Variants in CARMIL3 observed in about 807,000 individuals in gnomAD.
CARMIL3 encodes capping protein regulator and myosin 1 linker 3.
CARMIL3 carries 88 observed loss-of-function variants against 180.8 expected under a neutral mutation model. That is an observed-to-expected ratio of 0.49 (90% CI 0.41 to 0.58). The LOEUF (loss-of-function observed/expected upper bound fraction) is 0.58. CARMIL3 is among the 20% of genes least tolerant of loss of function. The pLI is 0.00. For missense variants in CARMIL3, 1,548 were observed against 1,787.0 expected (o/e 0.87, Z 2.41); for synonymous variants, 696 against 714.5 (o/e 0.97, Z 0.41).
chr14:24,063,808 T>C (rs923125194), intron 31 of CARMIL3, among the ~76,000 whole-genome samples: 2 of 152,052 alleles, frequency 1.3e-5, no homozygotes, highest in Non-Finnish European at 2.9e-5. Context: ...TAGGAAACAC[T>C]AGGTGAGCTG....
chr14:24,068,466 C>T (rs1355433225), intron 36 of CARMIL3, 118 bp from the exon 37 acceptor site: 11 of 747,018 alleles, frequency 1.5e-5, no homozygotes, highest in Non-Finnish European at 6.4e-6. Context: ...GACATAGGAG[C>T]AAGTGGGCTT....
Position 24,068,891 on chromosome 14 carries a change from G to C in CARMIL3, c.3907G>C (p.Asp1303His), listed in dbSNP as rs781619347. The change falls in exon 38 of 40, where the codon GAT becomes CAT. Residue 1303 changes from aspartate to histidine, a missense_variant. By Grantham distance (81) the Asp-to-His change is moderately conservative. Coordinates refer to ENST00000342740, the MANE Select transcript of CARMIL3 (RefSeq NM_138360.4). ...GGTCAGGGAGGAGGCTGAGGCTGGA[G>C]ATGCAGCTCCAGGAGTCAACAAACC... ...PGVREEAEAGDAAPGVNKPRL... is the reference protein window; with the variant it reads ...PGVREEAEAGHAAPGVNKPRL... 1 of 1,607,274 alleles carries C rather than the reference G, an allele frequency of 6.2e-7. No homozygotes were observed. The highest frequency in any genetic ancestry group is 1.1e-5 in the South Asian group (1 of 89,964).
In CARMIL3 at chr14:24,059,593, G is replaced by C; in HGVS notation, c.1800-71G>C. On this transcript the variant is annotated intron_variant, in intron 21 of 39. Coordinates refer to ENST00000342740, the MANE Select transcript of CARMIL3 (RefSeq NM_138360.4). The surrounding 1 kb of genome is among the most constrained non-coding windows in gnomAD (Gnocchi z 6.3). ...CTGAGTCAGCCTTATTGCCCCAAGA[G>C]GTTTGTGTCCCTGGCCCCTAGTAGG... 1 of 1,578,280 alleles carries C rather than the reference G, an allele frequency of 6.3e-7. No homozygotes were observed.
At position 24,062,516 on chromosome 14, in the gene CARMIL3, C is replaced by T. The variant is rs574633788; in HGVS notation, c.2517C>T (p.Ser839=). 2 of 1,614,214 alleles carry T rather than the reference C, an allele frequency of 1.2e-6. No individual in the cohort carries two copies. Among genetic ancestry groups the T allele is most frequent in the South Asian group, 2.2e-5 (2 of 91,088 alleles). The change falls in exon 28 of 40, where the codon AGC becomes AGT. Residue 839 remains serine (S), a synonymous_variant. Coordinates refer to ENST00000342740, the MANE Select transcript of CARMIL3 (RefSeq NM_138360.4). ...VKLSVVTYLT[S]SIVDEILQEL... ...TCTCAGTCGTCACCTACCTAACCAG[C>T]TCCATAGTGGATGAGATCCTGCAAG...
intron 31 of CARMIL3, 79 bp from the exon 32 acceptor site, chr14:24,064,167 A>G: frequency 5.4e-6 from 5 of 922,818 alleles, no homozygotes; most frequent in Non-Finnish European, 8.6e-6. Flanking sequence ...TCCAAGCCCA[A>G]AGGGGAATGC....
rs2035649907 is a variant in CARMIL3 at position 24,054,300 on chromosome 14, A to G, written c.245A>G (p.Gln82Arg). The change falls in exon 4 of 40, where the codon CAG becomes CGG. Residue 82 changes from glutamine (Q) to arginine (R), a missense_variant and splice_region_variant. By Grantham distance (43) the Gln-to-Arg change is conservative (BLOSUM62 1). This residue lies in a region of CARMIL3 where 578 missense variants were observed against 666.5 expected (regional missense o/e 0.87). Transcript: ENST00000342740. This position sits in a 1 kb window ranked among gnomAD's most constrained non-coding sequence, Gnocchi z 5.1. ...GCCTTCAACACGCTCAGTCAGAATC[A>G]GGTGAGTACCAGGGCTTTGGGCCCC... Reference protein sequence around the residue: ...IRAFNTLSQNQILVETERGMV... With the variant: ...IRAFNTLSQNRILVETERGMV... The G allele has an allele frequency of 3.1e-6, 5 of 1,614,070 alleles. No homozygotes were observed. The highest frequency in any genetic ancestry group is 4.2e-6 in the Non-Finnish European group (5 of 1,180,034).
rs199613785 is a variant in CARMIL3, at chr14:24,065,108, C to A, written c.3231C>A (p.Leu1077=). The A allele has an allele frequency of 5.3e-5, 82 of 1,534,540 alleles. No individual in the cohort carries two copies. The East Asian group carries it at 9.9e-4, about 18-fold the overall frequency. ...GGCCGGGGTCCCCTACCACTGGACT[C>A]CTCCTCCCTCCACCCCCACCCCCTC... ...DRGPGSPTTG[L]LLPPPPPPPP... is the part of the protein sequence containing the mutation. Residue 1077 remains leucine (L), a synonymous_variant, in exon 33 of 40, where the codon CTC becomes CTA. Coordinates refer to ENST00000342740, the MANE Select transcript of CARMIL3 (RefSeq NM_138360.4).
Position 24,061,559 on chromosome 14 carries a change from C to T in CARMIL3, c.2367C>T (p.Ala789=), listed in dbSNP as rs79873279. 4.5e-5 allele frequency: 73 copies of T among 1,613,930 alleles called. 1 individual carries two copies. The East Asian group carries it at 1.4e-3, about 31-fold the overall frequency. The change falls in exon 27 of 40, where the codon GCC becomes GCT. Residue 789 remains alanine, a synonymous_variant. Transcript: ENST00000342740. This position sits in a 1 kb window ranked among gnomAD's most constrained non-coding sequence, Gnocchi z 4.1. ...TATGCCCTGTGGCCATGCGGGTGGCCGAGGGACACAACAAGATGCTGAGCA... is the reference window on the plus strand; with the variant it reads ...TATGCCCTGTGGCCATGCGGGTGGCTGAGGGACACAACAAGATGCTGAGCA... ...QELCPVAMRV[A]EGHNKMLSNV...
Position 24,056,330 on chromosome 14 carries a change from G to A in CARMIL3, c.802G>A (p.Gly268Arg). ...TGTCCAGAAGCTGGCCGGGGTGTTT[G>A]GGGAGAACGGGAGCTGTGTGCTGCA... Reference protein sequence around the residue: ...DFVQKLAGVFGENGSCVLHAL... With the variant: ...DFVQKLAGVFRENGSCVLHAL... The change falls in exon 11 of 40, where the codon GGG becomes AGG. Residue 268 changes from glycine (G) to arginine (R), a missense_variant. Transcript: ENST00000342740. 6.2e-7 allele frequency: 1 copy of A among 1,614,008 alleles called. No homozygotes were observed. The highest frequency in any genetic ancestry group is 8.5e-7 in the Non-Finnish European group (1 of 1,179,920).
At position 24,064,265 on chromosome 14, in the gene CARMIL3, G is replaced by A. The variant is rs117092113; in HGVS notation, c.2999G>A (p.Arg1000His). ...CAGCAGATGCCAGCACCTGGGACTCGTCAGGAGAATGGGATGGCCACCCGC... is the reference window on the plus strand; with the variant it reads ...CAGCAGATGCCAGCACCTGGGACTCATCAGGAGAATGGGATGGCCACCCGC... Reference protein sequence around the residue: ...GRPSMPAPGTRQENGMATRLD... With the variant: ...GRPSMPAPGTHQENGMATRLD... The change falls in exon 32 of 40, where the codon CGT becomes CAT. Residue 1000 changes from arginine (R) to histidine (H), a missense_variant. Around this residue, in one of 4 missense-constraint regions of CARMIL3, gnomAD observed 668 missense variants for 687.8 expected, o/e 0.97. Transcript: ENST00000342740. 0.036 allele frequency: 58,433 copies of A among 1,611,862 alleles called. 1,249 individuals are homozygous for A. Among genetic ancestry groups the A allele is most frequent in the Non-Finnish European group, 0.043 (50,810 of 1,178,786 alleles).
In CARMIL3 at chr14:24,063,511, C is replaced by A; in HGVS notation, c.2957C>A (p.Pro986His). ...AGGCCCCGCCCCCCCAGGACCACAC[C>A]TCCAGGACCTGGTCGACCCAGTGTG... is the stretch of plus-strand genomic sequence containing the variant. ...QGRPRPPRTT[P>H]PGPGRPSMPA... The change falls in exon 31 of 40, where the codon CCT (proline) becomes CAT (histidine). Residue 986 changes from proline (P) to histidine (H), a missense_variant. By Grantham distance (77) the Pro-to-His change is moderately conservative. Transcript: ENST00000342740. 1.2e-6 allele frequency: 2 copies of A among 1,612,642 alleles called. No individual in the cohort carries two copies. The highest frequency in any genetic ancestry group is 2.2e-5 in the East Asian group (1 of 44,880).
At chr14:24,056,454 C>A (rs1048516634) in intron 11 of CARMIL3, 61 bp downstream of exon 11, 2 of 1,551,770 alleles carry the variant, frequency 1.3e-6, no homozygotes, top group Non-Finnish European at 1.8e-6. Context: ...TAGCCCAGAG[C>A]CCAACCAGGT....
chr14:24,054,350 A>C lies in CARMIL3; in HGVS notation c.247-46A>C, dbSNP rs772323878. 5.6e-6 allele frequency: 9 copies of C among 1,613,660 alleles called. No individual in the cohort carries two copies. Among genetic ancestry groups the C allele is most frequent in the Admixed American group, 3.3e-5 (2 of 59,984 alleles). ...CACTACTGGGCCAGCTGGAGGAGGGAGCAGAGAGGAGGGAGTCTGAGGCTC... is the reference window on the plus strand; with the variant it reads ...CACTACTGGGCCAGCTGGAGGAGGGCGCAGAGAGGAGGGAGTCTGAGGCTC... On this transcript the variant is annotated intron_variant, in intron 4 of 39. Coordinates refer to ENST00000342740, the MANE Select transcript of CARMIL3 (RefSeq NM_138360.4). The surrounding 1 kb of genome is among the most constrained non-coding windows in gnomAD (Gnocchi z 5.1).
intron 39 of CARMIL3, 65 bp downstream of exon 39, chr14:24,069,312 G>T (rs113804926): frequency 1.8e-5 from 29 of 1,613,440 alleles, no homozygotes; most frequent in African/African-American, 1.6e-4. Context: ...ACCCCCCGAA[G>T]CCCCAACACC....
At position 24,059,205 on chromosome 14, in the gene CARMIL3, T is replaced by C; in HGVS notation, c.1626+16T>C. On this transcript the variant is annotated intron_variant, in intron 20 of 39. Coordinates refer to ENST00000342740, the MANE Select transcript of CARMIL3 (RefSeq NM_138360.4). The surrounding 1 kb of genome is among the most constrained non-coding windows in gnomAD (Gnocchi z 6.3). ...AGAGGACTGTGTGAGTGCCTGGGCC[T>C]GGGAGGGGACCTGCAGTCGGAGGAG... 2 of 1,613,632 alleles carry C rather than the reference T, an allele frequency of 1.2e-6. No homozygotes were observed. Among genetic ancestry groups the C allele is most frequent in the Non-Finnish European group, 1.7e-6 (2 of 1,179,894 alleles).
At chr14:24,064,051 G>T (rs189227920) in intron 31 of CARMIL3, among the ~76,000 whole-genome samples, 195 bp from the exon 32 acceptor site, 1 of 144,792 alleles carries the variant, frequency 6.9e-6, no homozygotes, top group Non-Finnish European at 1.5e-5. Flanking sequence ...CCAAAATCAT[G>T]CCACTGCACT....
At chr14:24,066,320 C>G in intron 34 of CARMIL3, 78 bp from the exon 35 acceptor site, 1 of 1,512,826 alleles carries the variant, frequency 6.6e-7, no homozygotes, top group Non-Finnish European at 9.1e-7. Flanking sequence ...CATGGAGATG[C>G]TAGAGCAGAA....
At chr14:24,052,701 T>G (rs1455140323) in intron 1 of CARMIL3, among the ~76,000 whole-genome samples, 1 of 151,896 alleles carries the variant, frequency 6.6e-6, no homozygotes, top group East Asian at 1.9e-4. Flanking sequence ...AAGAAAGGAG[T>G]CAGGGAAGAG....
Position 24,058,707 on chromosome 14 carries a change from C to A in CARMIL3, c.1420C>A (p.Gln474Lys). 1 of 1,614,146 alleles carries A rather than the reference C, an allele frequency of 6.2e-7. No individual in the cohort carries two copies. Among genetic ancestry groups the A allele is most frequent in the Non-Finnish European group, 8.5e-7 (1 of 1,180,018 alleles). Residue 474 changes from glutamine to lysine, a missense_variant, in exon 18 of 40, where the codon CAG becomes AAG. By Grantham distance (53) the Gln-to-Lys change is moderately conservative. Coordinates refer to ENST00000342740, the MANE Select transcript of CARMIL3 (RefSeq NM_138360.4). This position sits in a 1 kb window ranked among gnomAD's most constrained non-coding sequence, Gnocchi z 6.4. ...ELRSAGAQAL[Q>K]EQLGAVTCVG... The stretch of plus-strand genomic sequence containing the variant: ...CCGTTCAGCGGGAGCCCAAGCCTTG[C>A]AGGAGCAGCTGGGAGCTGTCACCTG...
Sources: gnomAD v4.1 joint callset for allele counts (sites outside exome capture counted in the v4.1 genomes callset) on GRCh38, gnomAD v4.1.1 for gene constraint, gnomAD v4.1.1 regional missense constraint, Gnocchi (gnomAD v3.1) non-coding constraint, MANE v1.5 for transcripts, NCBI Gene and HGNC (gene_info 2026-07-23, HGNC 2026-07-21) for gene names.